The following TBCK variants were observed in gnomAD, a reference collection of about 807,000 sequenced individuals.
The protein encoded by TBCK is TBC1 domain containing kinase.
In TBCK, 99 loss-of-function variants were observed where a neutral mutation model predicts 113.4. The ratio of observed to expected loss-of-function variants is 0.87; its 90% confidence interval spans 0.74 to 1.03. TBCK has a LOEUF of 1.03. Ranked by LOEUF, TBCK falls within the 50% of genes least tolerant of loss-of-function variation. The pLI, the probability that TBCK is intolerant of heterozygous loss-of-function variation, is 0.00. For synonymous variants in TBCK, 369 were observed against 370.8 expected (o/e 1.00, Z 0.05); for missense variants, 1,045 against 1,061.3 (o/e 0.98, Z 0.21).
intron 20 of TBCK, among the ~76,000 whole-genome samples, chr4:106,199,102 T>C (rs1345791404): frequency 6.6e-6 from 1 of 152,178 alleles, no homozygotes; most frequent in Non-Finnish European, 1.5e-5. Context: ...ATAAGAGCAG[T>C]AGATATTCAT....
intron 3 of TBCK, among the ~76,000 whole-genome samples, chr4:106,284,071 C>T (rs1278575388): frequency 6.6e-6 from 1 of 152,190 alleles, no homozygotes; most frequent in African/African-American, 2.4e-5. Context: ...AAATGTAGAG[C>T]ATCTTTCGGT....
At chr4:106,287,391 A>G (rs1379436262) in intron 3 of TBCK, among the ~76,000 whole-genome samples, 1 of 152,092 alleles carries the variant, frequency 6.6e-6, no homozygotes, top group Non-Finnish European at 1.5e-5. Flanking sequence ...GTGTTTTTTC[A>G]AAAGTATTTG....
intron 3 of TBCK, among the ~76,000 whole-genome samples, chr4:106,278,645 A>G (rs7356287): frequency 0.4 from 60,288 of 150,458 alleles, 12,379 homozygotes; most frequent in African/African-American, 0.48. Flanking sequence ...CATTTCTCAA[A>G]GTCTTTAAAG....
At chr4:106,224,585 A>G (rs1212361262) in intron 19 of TBCK, among the ~76,000 whole-genome samples, 1 of 152,190 alleles carries the variant, frequency 6.6e-6, no homozygotes, top group Non-Finnish European at 1.5e-5. Context: ...AAGTAAACTA[A>G]TAAGAGCTAT....
At chr4:106,247,588 A>G (rs529176655) in intron 9 of TBCK, 1 of 208,930 alleles carries the variant, frequency 4.8e-6, no homozygotes, top group Admixed American at 6.0e-5. Flanking sequence ...GCTTTACTGA[A>G]TATCTTAAAT....
In TBCK at chr4:106,248,923, T is replaced by C; in HGVS notation, c.718A>G (p.Lys240Glu). Reference sequence around the variant, plus strand: ...TAAGACCCAGATTAATGACAAACCTTTATAATGTCCAAACAACCATGCTCT... The same window carrying C: ...TAAGACCCAGATTAATGACAAACCTCTATAATGTCCAAACAACCATGCTCT... ...AEEHGCLDII[K>E]ELPETVIDLL... The change falls in exon 8 of 26, where the codon AAG becomes GAG. Residue 240 changes from lysine (K) to glutamate (E), a missense_variant and splice_region_variant. Transcript: ENST00000394708. 1 of 1,605,810 alleles carries C rather than the reference T, an allele frequency of 6.2e-7. No homozygotes were observed. Among genetic ancestry groups the C allele is most frequent in the Non-Finnish European group, 8.5e-7 (1 of 1,177,224 alleles).
At chr4:106,311,051 C>A (rs1768145733) in intron 1 of TBCK, among the ~76,000 whole-genome samples, 1 of 151,982 alleles carries the variant, frequency 6.6e-6, no homozygotes, top group African/African-American at 2.4e-5. Context: ...ATCTACTGGA[C>A]AGTCAAAAAT....
At chr4:106,214,590 C>T (rs374075185) in intron 19 of TBCK, among the ~76,000 whole-genome samples, 6 of 151,918 alleles carry the variant, frequency 3.9e-5, no homozygotes, top group South Asian at 2.1e-4. Flanking sequence ...GGAGCCGATG[C>T]GATCAACTGG....
chr4:106,088,248 A>G (rs772627194), intron 25 of TBCK, among the ~76,000 whole-genome samples: 93 of 152,332 alleles, frequency 6.1e-4, no homozygotes, highest in Middle Eastern at 3.4e-3. Context: ...ACTTAAACAT[A>G]TTTACAAGAA....
At chr4:106,180,126 T>G (rs1752167512) in intron 22 of TBCK, among the ~76,000 whole-genome samples, 1 of 151,948 alleles carries the variant, frequency 6.6e-6, no homozygotes, top group African/African-American at 2.4e-5. Context: ...TCTTCAAAGG[T>G]AGAGTTTCTT....
At chr4:106,130,589 T>TACACACACACAC (rs70941237) in intron 23 of TBCK, among the ~76,000 whole-genome samples, 284 of 142,506 alleles carry the variant, frequency 2.0e-3, no homozygotes, top group African/African-American at 5.9e-3. Context: ...TTGCGCTAAA[T>TACACACACACAC]ACACACACAC....
intron 3 of TBCK, among the ~76,000 whole-genome samples, chr4:106,284,371 T>C (rs1764913627): frequency 6.6e-6 from 1 of 152,074 alleles, no homozygotes; most frequent in Non-Finnish European, 1.5e-5. Context: ...ATTCAGTGAG[T>C]AGGCAATGTT....
At chr4:106,052,162 A>T (rs936107947) in intron 25 of TBCK, among the ~76,000 whole-genome samples, 1 of 151,808 alleles carries the variant, frequency 6.6e-6, no homozygotes, top group Non-Finnish European at 1.5e-5. Context: ...AATATCTAGT[A>T]ACAATTAGGC....
intron 3 of TBCK, among the ~76,000 whole-genome samples, chr4:106,288,519 A>G (rs1427214439): frequency 1.3e-5 from 2 of 152,244 alleles, no homozygotes; most frequent in Non-Finnish European, 2.9e-5. Flanking sequence ...TCAAGATACA[A>G]AAATGTTCAT....
At chr4:106,216,365 T>C (rs889241070) in intron 19 of TBCK, among the ~76,000 whole-genome samples, 4 of 151,340 alleles carry the variant, frequency 2.6e-5, no homozygotes, top group Admixed American at 2.6e-4. Context: ...ATAACTAAAA[T>C]CAGAGCAGAA....
chr4:106,087,437 C>G (rs1739639107), intron 25 of TBCK, among the ~76,000 whole-genome samples: 2 of 152,232 alleles, frequency 1.3e-5, no homozygotes, highest in South Asian at 4.1e-4. Context: ...AGACAGGACA[C>G]AAACAAATGA....
At chr4:106,052,217 G>A (rs1734888953) in intron 25 of TBCK, among the ~76,000 whole-genome samples, 2 of 151,742 alleles carry the variant, frequency 1.3e-5, no homozygotes, top group South Asian at 4.1e-4. Context: ...AATAAAACCA[G>A]CAGCAGAGCA....
intron 2 of TBCK, chr4:106,297,641 T>C (rs1178634923): frequency 6.6e-6 from 1 of 152,226 alleles, no homozygotes; most frequent in Non-Finnish European, 1.5e-5. Context: ...TTCATCTATA[T>C]TATTTTATCT....
At chr4:106,147,637 G>T (rs1486794918) in intron 23 of TBCK, among the ~76,000 whole-genome samples, 5 of 152,082 alleles carry the variant, frequency 3.3e-5, no homozygotes, top group Admixed American at 6.6e-5. Context: ...TCCTATGCCT[G>T]TCTTTACTTT....
Sources: gnomAD v4.1 joint callset for allele counts (sites outside exome capture counted in the v4.1 genomes callset) on GRCh38, gnomAD v4.1.1 for gene constraint, MANE v1.5 for transcripts, NCBI Gene and HGNC (gene_info 2026-07-23, HGNC 2026-07-21) for gene names.